ABHD16A: variants seen among roughly 807,000 people sequenced by gnomAD.
The protein encoded by ABHD16A is abhydrolase domain containing 16A, phospholipase.
ABHD16A carries 47 observed loss-of-function variants against 89.8 expected under a neutral mutation model. That is an observed-to-expected ratio of 0.52 (90% CI 0.41 to 0.67). The LOEUF (loss-of-function observed/expected upper bound fraction) is 0.67, where lower values mean the gene tolerates loss of function less well. Ranked by LOEUF, ABHD16A falls within the 30% of genes least tolerant of loss-of-function variation. The pLI, the probability that ABHD16A is intolerant of heterozygous loss-of-function variation, is 0.00. For missense variants in ABHD16A, 580 were observed against 734.6 expected (o/e 0.79, Z 2.43); for synonymous variants, 251 against 280.4 (o/e 0.90, Z 1.05).
intron 7 of ABHD16A, chr6:31,692,305 T>C (rs1803967172): frequency 5.7e-6 from 1 of 176,852 alleles, no homozygotes; most frequent in South Asian, 1.7e-4. Flanking sequence ...AAAATGATGG[T>C]TATAATTCAA....
intron 9 of ABHD16A, 86 bp downstream of exon 9, chr6:31,691,493 A>T: frequency 8.3e-7 from 1 of 1,203,032 alleles, no homozygotes; most frequent in South Asian, 1.3e-5. Context: ...TGGTTCCTTC[A>T]GGGAGGTGCT....
Position 31,687,486 on chromosome 6 carries a change from T to C in ABHD16A, c.1593+12A>G. On this transcript the variant is annotated intron_variant, in intron 19 of 19. Transcript: ENST00000395952. This position sits in a 1 kb window ranked among gnomAD's most constrained non-coding sequence, Gnocchi z 6.3. ...TTCAAGAACCCTTCCCACTTCCCAC[T>C]CCTTAGCTCACCAGAAACAAAGCCA... 2.5e-6 allele frequency: 4 copies of C among 1,612,936 alleles called. No homozygotes were observed. Among genetic ancestry groups the C allele is most frequent in the Non-Finnish European group, 2.5e-6 (3 of 1,179,970 alleles).
At chr6:31,702,900 G>C in intron 1 of ABHD16A, 4 of 1,310,426 alleles carry the variant, frequency 3.1e-6, no homozygotes, top group Non-Finnish European at 3.9e-6. Flanking sequence ...ACAGGGTCGG[G>C]GGGACGCGGA....
chr6:31,694,387 C>CTT (rs1190272819), intron 5 of ABHD16A, among the ~76,000 whole-genome samples: 8 of 77,702 alleles, frequency 1.0e-4, no homozygotes, highest in African/African-American at 2.1e-4. Flanking sequence ...GGAGCTGTGT[C>CTT]TTTTTTTTTT....
Position 31,693,227 on chromosome 6 carries a change from G to A in ABHD16A, c.504-78C>T. On this transcript the variant is annotated intron_variant, in intron 6 of 19. Transcript: ENST00000395952. The surrounding 1 kb of genome is among the most constrained non-coding windows in gnomAD (Gnocchi z 5.0). ...TGTCTGAGGTCTGGAGAACAGTGGGGTCTAGGAACGACATAATGGCATTGG... is the reference window on the plus strand; with the variant it reads ...TGTCTGAGGTCTGGAGAACAGTGGGATCTAGGAACGACATAATGGCATTGG... 1 of 1,588,316 alleles carries A rather than the reference G, an allele frequency of 6.3e-7. No homozygotes were observed. Among genetic ancestry groups the A allele is most frequent in the South Asian group, 1.1e-5 (1 of 88,654 alleles).
rs1303464748 is a variant in ABHD16A at position 31,698,450 on chromosome 6, G to C, written c.344-1417C>G. 1.3e-5 allele frequency among the ~76,000 whole-genome samples: 2 copies of C among 151,074 alleles called. No homozygotes were observed. Among genetic ancestry groups the C allele is most frequent in the African/African-American group, 4.9e-5 (2 of 41,186 alleles). ...ACTATACATCAAAAAATTTAAAAAGGCTTTTATATTTTGTTCTCTGGACTT... is the reference window on the plus strand; with the variant it reads ...ACTATACATCAAAAAATTTAAAAAGCCTTTTATATTTTGTTCTCTGGACTT... On this transcript the variant is annotated intron_variant, in intron 4 of 19. Coordinates refer to ENST00000395952, the MANE Select transcript of ABHD16A (RefSeq NM_021160.3). The surrounding 1 kb of genome is among the most constrained non-coding windows in gnomAD (Gnocchi z 4.1).
Position 31,687,565 on chromosome 6 carries a change from A to G in ABHD16A, c.1547-21T>C. On this transcript the variant is annotated intron_variant, in intron 18 of 19. Coordinates refer to ENST00000395952, the MANE Select transcript of ABHD16A (RefSeq NM_021160.3). The surrounding 1 kb of genome is among the most constrained non-coding windows in gnomAD (Gnocchi z 6.3). ...CTCCCCTGCAGAGAGGAGGCGCTCA[A>G]AATAGGCCACACATCTGGGTATTCA... The G allele has an allele frequency of 1.2e-6, 2 of 1,612,902 alleles. No homozygotes were observed. The highest frequency in any genetic ancestry group is 1.7e-6 in the Non-Finnish European group (2 of 1,179,968).
At position 31,698,509 on chromosome 6, in the gene ABHD16A, C is replaced by G. The variant is rs200273954; in HGVS notation, c.344-1476G>C. ...TTTTTCTTTTTTCTTTTTTTTGAGA[C>G]AGTTTTGCTCTTGTTGCCCAGGCGG... On this transcript the variant is annotated intron_variant, in intron 4 of 19. Transcript: ENST00000395952. The surrounding 1 kb of genome is among the most constrained non-coding windows in gnomAD (Gnocchi z 4.1). Among the ~76,000 whole-genome samples the G allele has an allele frequency of 1.3e-5, 2 of 151,420 alleles. No homozygotes were observed. Among genetic ancestry groups the G allele is most frequent in the Non-Finnish European group, 2.9e-5 (2 of 67,880 alleles).
intron 4 of ABHD16A, among the ~76,000 whole-genome samples, chr6:31,699,811 T>C (rs1804756590): frequency 6.6e-6 from 1 of 152,162 alleles, no homozygotes; most frequent in Non-Finnish European, 1.5e-5. Context: ...TAGCGCAATC[T>C]TGGCTCACTG....
At chr6:31,695,080 G>A (rs1048927667) in intron 5 of ABHD16A, among the ~76,000 whole-genome samples, 1 of 152,176 alleles carries the variant, frequency 6.6e-6, no homozygotes, top group Non-Finnish European at 1.5e-5. Flanking sequence ...GCATAGTACA[G>A]GGCATCATTA....
intron 7 of ABHD16A, 151 bp from the exon 8 acceptor site, chr6:31,692,069 T>C: frequency 4.8e-6 from 3 of 631,352 alleles, no homozygotes; most frequent in Non-Finnish European, 5.4e-6. Context: ...CTTAATGAAA[T>C]ATGTACCAGG....
In ABHD16A at chr6:31,688,661, G is replaced by C. The variant is rs1260486521; in HGVS notation, c.1250+62C>G. ...CACTTTAGTACTAGTTTCAGGGTTT[G>C]AGCGCCCAGCAGAGCTGTATGGGGG... On this transcript the variant is annotated intron_variant, in intron 14 of 19. Transcript: ENST00000395952. The surrounding 1 kb of genome is among the most constrained non-coding windows in gnomAD (Gnocchi z 4.9). 1.3e-6 allele frequency: 2 copies of C among 1,582,946 alleles called. No individual in the cohort carries two copies. Among genetic ancestry groups the C allele is most frequent in the African/African-American group, 1.3e-5 (1 of 74,254 alleles).
In ABHD16A at chr6:31,690,382, G is replaced by C; in HGVS notation, c.907+157C>G. 1 of 824,268 alleles carries C rather than the reference G, an allele frequency of 1.2e-6. No individual in the cohort carries two copies. Among genetic ancestry groups the C allele is most frequent in the Non-Finnish European group, 2.0e-6 (1 of 498,926 alleles). The allele number at this position is 824,268 out of a possible 1,614,324, so 51.1% of individuals were successfully genotyped here. A position where few individuals can be genotyped will look rare whatever the true frequency, so the allele number is the denominator to read the frequency against. ...ACACAGGCCAGGGGAGGGATGTAAG[G>C]TTATCAAAGCAAATGGCGAGTGGAC... On this transcript the variant is annotated intron_variant, in intron 10 of 19. Transcript: ENST00000395952. The surrounding 1 kb of genome is among the most constrained non-coding windows in gnomAD (Gnocchi z 4.1).
chr6:31,691,677 T>C lies in ABHD16A; in HGVS notation c.745A>G (p.Asn249Asp), dbSNP rs79232373. 1,440 of 1,543,558 alleles carry C rather than the reference T, an allele frequency of 9.3e-4. 12 individuals are homozygous for C. The African/African-American group carries it at 0.017, about 18-fold the overall frequency. ...GCCAGCAGCTTTGCCCGGCGCCCAT[T>C]ACACTGAGTACGGAAGACGCAATGG... ...QGQARLVEEC[N>D]GRRAKLLACD... The change falls in exon 9 of 20, where the codon AAT becomes GAT. Residue 249 changes from asparagine to aspartate, a missense_variant. Coordinates refer to ENST00000395952, the MANE Select transcript of ABHD16A (RefSeq NM_021160.3).
Position 31,690,327 on chromosome 6 carries a change from G to T in ABHD16A, c.908-200C>A. ...TGTGTGGGGTGTGTGGTGGGGGAAT[G>T]GAACAGAATGAAAAGCATAATAGCT... On this transcript the variant is annotated intron_variant, in intron 10 of 19. Coordinates refer to ENST00000395952, the MANE Select transcript of ABHD16A (RefSeq NM_021160.3). The surrounding 1 kb of genome is among the most constrained non-coding windows in gnomAD (Gnocchi z 4.1). 1.5e-6 allele frequency: 1 copy of T among 680,182 alleles called. No individual in the cohort carries two copies. The highest frequency in any genetic ancestry group is 2.5e-6 in the Non-Finnish European group (1 of 398,568). The allele number at this position is 680,182 out of a possible 1,614,324, so 42.1% of individuals were successfully genotyped here. A position where few individuals can be genotyped will look rare whatever the true frequency, so the allele number is the denominator to read the frequency against.
At chr6:31,697,643 T>G (rs190463025) in intron 4 of ABHD16A, among the ~76,000 whole-genome samples, 2 of 152,328 alleles carry the variant, frequency 1.3e-5, no homozygotes, top group Admixed American at 1.3e-4. Context: ...CCTGAACAGT[T>G]CCTCTCCTGC....
Position 31,688,302 on chromosome 6 carries a change from G to A in ABHD16A, c.1254C>T (p.Tyr418=), listed in dbSNP as rs1562092436. The A allele has an allele frequency of 6.2e-7, 1 of 1,614,028 alleles. No individual in the cohort carries two copies. Among genetic ancestry groups the A allele is most frequent in the Non-Finnish European group, 8.5e-7 (1 of 1,179,914 alleles). ...NLNNAEQLCR[Y]QGPVLLIRRT... is the part of the protein sequence containing the mutation. ...TCCGGATCAGCAGTACAGGACCCTG[G>A]TATCTTCAGAGAACAGAGCAGTGGG... is the stretch of plus-strand genomic sequence containing the variant. Residue 418 remains tyrosine (Y), a synonymous_variant, in exon 15 of 20, where the codon TAC becomes TAT. Coordinates refer to ENST00000395952, the MANE Select transcript of ABHD16A (RefSeq NM_021160.3). This position sits in a 1 kb window ranked among gnomAD's most constrained non-coding sequence, Gnocchi z 4.9.
At chr6:31,700,060 T>C (rs926515070) in intron 4 of ABHD16A, among the ~76,000 whole-genome samples, 2 of 152,136 alleles carry the variant, frequency 1.3e-5, no homozygotes, top group Non-Finnish European at 2.9e-5. Flanking sequence ...ATCTGCGTTG[T>C]TGAGCGTAGC....
Position 31,687,610 on chromosome 6 carries a change from C to T in ABHD16A, c.1546+32G>A. The T allele has an allele frequency of 3.1e-6, 5 of 1,612,928 alleles. No homozygotes were observed. Among genetic ancestry groups the T allele is most frequent in the South Asian group, 1.1e-5 (1 of 91,086 alleles). On this transcript the variant is annotated intron_variant, in intron 18 of 19. Transcript: ENST00000395952. The surrounding 1 kb of genome is among the most constrained non-coding windows in gnomAD (Gnocchi z 6.3). ...TATTCATCCCCTTCCTAGGCCCTTC[C>T]CACCCTCTCTCCTGCCCCAGGAGCT...
Sources: allele counts gnomAD v4.1 joint callset (sites outside exome capture counted in the v4.1 genomes callset), GRCh38; gene constraint gnomAD v4.1.1; non-coding constraint Gnocchi (gnomAD v3.1); transcripts MANE v1.5; gene names NCBI Gene and HGNC (gene_info 2026-07-23, HGNC 2026-07-21).